Variants in ZNF469 observed in about 807,000 individuals in gnomAD.
ZNF469 encodes the protein zinc finger protein 469.
In ZNF469, 1 loss-of-function variant was observed where a neutral mutation model predicts 1.0. The observed-to-expected ratio is 1.00, with a 90% CI of 0.35 to 4.73. The LOEUF is 4.73. Ranked by LOEUF, ZNF469 falls within the 30% of genes most tolerant of loss-of-function variation. The probability of loss-of-function intolerance (pLI) is 0.16; values close to 1 mark genes in which losing one functional copy is unlikely to be tolerated. For missense variants in ZNF469, 6,100 were observed against 5,356.3 expected (o/e 1.14, Z -4.33); for synonymous variants, 2,703 against 2,363.4 (o/e 1.14, Z -4.17).
chr16:88,349,458 A>G, the ZNF469 span, among the ~76,000 whole-genome samples: 1 of 150,962 alleles, frequency 6.6e-6, no homozygotes, highest in Admixed American at 6.6e-5. Context: ...CACACCACAC[A>G]AGTACGCACA....
Position 88,429,597 on chromosome 16 carries a change from G to A in ZNF469, c.2127G>A (p.Pro709=), listed in dbSNP as rs527898359. The A allele has an allele frequency of 3.7e-5, 58 of 1,549,008 alleles. No homozygotes were observed. In the East Asian group the frequency reaches 1.2e-3, roughly 33 times the overall value. The change falls in exon 3 of 3, where the codon CCG becomes CCA. Residue 709 remains proline, a synonymous_variant. Coordinates refer to ENST00000565624, the MANE Select transcript of ZNF469 (RefSeq NM_001367624.2). The part of the protein sequence containing the change: ...RGGLQGFPRA[P]PPYPTHHFSL... Reference sequence around the variant, plus strand: ...GGCTGCAGGGCTTCCCCCGTGCGCCGCCTCCGTACCCCACACACCACTTCT... The same window carrying A: ...GGCTGCAGGGCTTCCCCCGTGCGCCACCTCCGTACCCCACACACCACTTCT...
chr16:88,192,443 C>T, the ZNF469 span, among the ~76,000 whole-genome samples: 4 of 152,108 alleles, frequency 2.6e-5, no homozygotes, highest in African/African-American at 4.8e-5. Flanking sequence ...AGATGACATG[C>T]GGTAATAAGG....
Position 88,434,213 on chromosome 16 carries a change from G to T in ZNF469, c.6743G>T (p.Ser2248Ile), listed in dbSNP as rs1243573161. 1.9e-6 allele frequency: 3 copies of T among 1,550,386 alleles called. No homozygotes were observed. The highest frequency in any genetic ancestry group is 3.9e-5 in the Admixed American group (2 of 51,018). ...CACAGTGGGGACACCCCCAAAGACA[G>T]CACTTTAAGAATTCCAGAGGATTCC... ...CTHSGDTPKD[S>I]TLRIPEDSRK... is the part of the protein sequence containing the mutation. The change falls in exon 3 of 3, where the codon AGC (serine) becomes ATC (isoleucine). Residue 2248 changes from serine to isoleucine, a missense_variant. Coordinates refer to ENST00000565624, the MANE Select transcript of ZNF469 (RefSeq NM_001367624.2).
chr16:88,384,395 A>G (rs1487328354), intron 1 of ZNF469, among the ~76,000 whole-genome samples: 1 of 152,224 alleles, frequency 6.6e-6, no homozygotes, highest in Non-Finnish European at 1.5e-5. Flanking sequence ...ATTCCTGAAA[A>G]TAAACAAAAT....
the ZNF469 span, among the ~76,000 whole-genome samples, chr16:88,348,411 C>G: frequency 6.6e-6 from 1 of 152,210 alleles, no homozygotes; most frequent in Non-Finnish European, 1.5e-5. Context: ...CTCCATGACA[C>G]CAGAAAAGAC....
intron 1 of ZNF469, among the ~76,000 whole-genome samples, chr16:88,415,792 TC>T (rs1905286409): frequency 6.6e-6 from 1 of 152,184 alleles, no homozygotes; most frequent in Non-Finnish European, 1.5e-5. Flanking sequence ...GACGGCTTCT[TC>T]CAGGCGTGTA....
intron 1 of ZNF469, among the ~76,000 whole-genome samples, chr16:88,406,860 C>T (rs960241528): frequency 2.0e-5 from 3 of 152,216 alleles, no homozygotes; most frequent in East Asian, 3.8e-4. Flanking sequence ...CAGCTTCCCC[C>T]GTCGGCCCCC....
Position 88,428,517 on chromosome 16 carries a change from C to G in ZNF469, c.1047C>G (p.Ser349Arg), listed in dbSNP as rs550642046. 5 of 1,549,890 alleles carry G rather than the reference C, an allele frequency of 3.2e-6. No individual in the cohort carries two copies. Among genetic ancestry groups the G allele is most frequent in the South Asian group, 1.2e-5 (1 of 84,060 alleles). ...AGCCAGGTGGCCTGAACCGCCACAG[C>G]GACCTCAGTGGTGCCCTCTCTTCCC... ...QGQPGGLNRH[S>R]DLSGALSSPG... The change falls in exon 3 of 3, where the codon AGC becomes AGG. Residue 349 changes from serine to arginine, a missense_variant. Transcript: ENST00000565624.
At chr16:88,386,883 G>GCCACT (rs1193652122) in intron 1 of ZNF469, among the ~76,000 whole-genome samples, 15 of 152,142 alleles carry the variant, frequency 9.9e-5, no homozygotes. Context: ...TGTTTCTTTG[G>GCCACT]CCACTCCCTC....
chr16:88,348,607 C>G, the ZNF469 span, among the ~76,000 whole-genome samples: 1 of 152,172 alleles, frequency 6.6e-6, no homozygotes, highest in Non-Finnish European at 1.5e-5. Flanking sequence ...TCCCAGTGGA[C>G]CGGGTCAAAC....
chr16:88,260,146 G>GTT, the ZNF469 span, among the ~76,000 whole-genome samples: 26 of 137,200 alleles, frequency 1.9e-4, no homozygotes, highest in African/African-American at 4.2e-4. The surrounding 1 kb of genome is among the most constrained non-coding windows in gnomAD (Gnocchi z 4.1). Context: ...CCCTGCTAGT[G>GTT]TTTTTTTTTT....
rs539399156 is a variant in ZNF469 at position 88,431,219 on chromosome 16, C to T, written c.3749C>T (p.Ala1250Val). Reference sequence around the variant, plus strand: ...ACAGAGGCTTTGCGTTCTCCTCCAGCCGCCTGTGCGGGAGAAATGGGAGCA... The same window carrying T: ...ACAGAGGCTTTGCGTTCTCCTCCAGTCGCCTGTGCGGGAGAAATGGGAGCA... Reference protein sequence around the residue: ...EFTEALRSPPAACAGEMGASP... With the variant: ...EFTEALRSPPVACAGEMGASP... Residue 1250 changes from alanine (A) to valine (V), a missense_variant, in exon 3 of 3, where the codon GCC becomes GTC. Transcript: ENST00000565624. The T allele has an allele frequency of 6.4e-7, 1 of 1,550,408 alleles. No homozygotes were observed. Among genetic ancestry groups the T allele is most frequent in the South Asian group, 1.2e-5 (1 of 84,070 alleles).
chr16:88,437,897 G>A lies in ZNF469; in HGVS notation c.10427G>A (p.Arg3476Lys). The change falls in exon 3 of 3, where the codon AGG becomes AAG. Residue 3476 changes from arginine (R) to lysine (K), a missense_variant. Transcript: ENST00000565624. The part of the protein sequence containing the change: ...LEGTLPSKRR[R>K]VAMPGSAPGP... ...GGCACACTGCCCAGCAAACGGCGCAGGGTGGCCATGCCCGGCAGTGCCCCT... is the reference window on the plus strand; with the variant it reads ...GGCACACTGCCCAGCAAACGGCGCAAGGTGGCCATGCCCGGCAGTGCCCCT... The A allele has an allele frequency of 6.5e-7, 1 of 1,540,608 alleles. No homozygotes were observed. The highest frequency in any genetic ancestry group is 1.4e-5 in the African/African-American group (1 of 72,964).
chr16:88,120,174 C>T, the ZNF469 span, among the ~76,000 whole-genome samples: 7 of 152,150 alleles, frequency 4.6e-5, no homozygotes, highest in Admixed American at 1.3e-4. Flanking sequence ...TTCCAGGGAG[C>T]GCAGAACTGC....
At chr16:88,380,862 TCACA>T (rs200418632), upstream of ZNF469, among the ~76,000 whole-genome samples, 369 of 96,260 alleles carry the variant, frequency 3.8e-3, 1 homozygote, top group African/African-American at 0.014. Context: ...TCACATGCAC[TCACA>T]CACAGTCATG....
intron 1 of ZNF469, among the ~76,000 whole-genome samples, chr16:88,394,200 A>C (rs775659543): frequency 1.4e-5 from 2 of 142,700 alleles, no homozygotes; most frequent in African/African-American, 2.7e-5. Flanking sequence ...GCCTGGGAGG[A>C]GCGGAGTTTG....
At chr16:88,422,278 G>A in intron 1 of ZNF469, among the ~76,000 whole-genome samples, 1 of 13,728 alleles carries the variant, frequency 7.3e-5, no homozygotes, top group Non-Finnish European at 2.0e-4. Context: ...TGGATAGGTG[G>A]GTAATGGATG....
At chr16:88,202,551 C>T in the ZNF469 span, among the ~76,000 whole-genome samples, 3 of 152,154 alleles carry the variant, frequency 2.0e-5, no homozygotes, top group Non-Finnish European at 4.4e-5. Context: ...AGACCCAGGG[C>T]GGGGCAGGTG....
chr16:88,393,487 G>A (rs369378403), intron 1 of ZNF469, among the ~76,000 whole-genome samples: 34 of 152,348 alleles, frequency 2.2e-4, no homozygotes, highest in East Asian at 2.1e-3. Context: ...GGGGCCTGCC[G>A]TAGGCGGGAG....
Sources: gnomAD v4.1 joint callset for allele counts (sites outside exome capture counted in the v4.1 genomes callset) on GRCh38, gnomAD v4.1.1 for gene constraint, Gnocchi (gnomAD v3.1) non-coding constraint, MANE v1.5 for transcripts, NCBI Gene and HGNC (gene_info 2026-07-23, HGNC 2026-07-21) for gene names.